RPL23: variants seen among roughly 807,000 people sequenced by gnomAD.
RPL23 encodes ribosomal protein L23.
For missense variants in RPL23, 79 were observed against 178.8 expected, an observed-to-expected ratio of 0.44 and a Z score of 3.18; for synonymous variants, 63 against 65.3, an observed-to-expected ratio of 0.97 and a Z score of 0.17.
chr17:38,850,886 C>A lies in RPL23; in HGVS notation c.227-411G>T, dbSNP rs371736793. 24 of 155,138 alleles carry A rather than the reference C, an allele frequency of 1.5e-4. No homozygotes were observed. The South Asian group carries it at 4.7e-3, about 31-fold the overall frequency. The allele number at this position is 155,138 out of a possible 1,614,324, so 9.6% of individuals were successfully genotyped here. ...CACCTTACAGGTAGGTTATTAAGAT[C>A]CCAGTATCACTGAATTGGGATGTAG... is the stretch of plus-strand genomic sequence containing the variant. On this transcript the variant is annotated intron_variant, in intron 3 of 4. Coordinates refer to ENST00000479035, the MANE Select transcript of RPL23 (RefSeq NM_000978.4).
At position 38,849,253 on chromosome 17, in the gene RPL23, A is replaced by C. The variant is rs1912935481; in HGVS notation, c.*879T>G. The C allele has an allele frequency of 6.6e-6, 1 of 152,140 alleles. No homozygotes were observed. Among genetic ancestry groups the C allele is most frequent in the Non-Finnish European group, 1.5e-5 (1 of 68,036 alleles). The allele number at this position is 152,140 out of a possible 1,614,324, so 9.4% of individuals were successfully genotyped here. On this transcript the variant is annotated 3_prime_UTR_variant, in exon 5 of 5. Coordinates refer to ENST00000479035, the MANE Select transcript of RPL23 (RefSeq NM_000978.4). ...ATTTACTCCAAATCTGTTAACTGCT[A>C]AAATGTACATACATAAACAAACTCA...
In RPL23 at chr17:38,850,814, T is replaced by C. The variant is rs8080641; in HGVS notation, c.227-339A>G. On this transcript the variant is annotated intron_variant, in intron 3 of 4. Coordinates refer to ENST00000479035, the MANE Select transcript of RPL23 (RefSeq NM_000978.4). ...AAAGCTGCCAGTATTTTCTCACAAGTGTAAAACTCTCAGGACAACTATCCT... is the reference window on the plus strand; with the variant it reads ...AAAGCTGCCAGTATTTTCTCACAAGCGTAAAACTCTCAGGACAACTATCCT... 2.8e-3 allele frequency: 505 copies of C among 180,134 alleles called. 1 individual carries two copies. The highest frequency in any genetic ancestry group is 0.012 in the African/African-American group (490 of 42,256). 11.2% of individuals were successfully genotyped at this position (180,134 alleles called of 1,614,324 possible).
intron 1 of RPL23, 189 bp downstream of exon 1, chr17:38,853,509 C>G (rs1913067597): frequency 1.4e-6 from 1 of 738,896 alleles, no homozygotes; most frequent in Non-Finnish European, 2.5e-6. Flanking sequence ...CGGGATCCTG[C>G]CATCTCAACT....
At chr17:38,852,281 TGA>T (rs1163101266) in intron 3 of RPL23, 4 of 226,986 alleles carry the variant, frequency 1.8e-5, no homozygotes, top group African/African-American at 9.2e-5. Flanking sequence ...TATTTTTTTT[TGA>T]GAGCCCAGGA....
intron 1 of RPL23, 27 bp downstream of exon 1, chr17:38,853,671 G>A: frequency 3.1e-6 from 5 of 1,614,168 alleles, no homozygotes; most frequent in Middle Eastern, 1.6e-4. Context: ...ACAGATGGTG[G>A]AGGATCCTCC....
At position 38,853,014 on chromosome 17, in the gene RPL23, G is replaced by C. The variant is rs531947694; in HGVS notation, c.97+8C>G. On this transcript the variant is annotated splice_region_variant and intron_variant, in intron 2 of 4. Transcript: ENST00000479035. ...AAGGGGGAGTATAGCAACGTGCAAAGACCTCACCTGTGTTGTCAGCACAAT... is the reference window on the plus strand; with the variant it reads ...AAGGGGGAGTATAGCAACGTGCAAACACCTCACCTGTGTTGTCAGCACAAT... The C allele has an allele frequency of 2.0e-4, 316 of 1,613,392 alleles. 1 individual carries two copies. In the South Asian group the frequency reaches 2.9e-3, roughly 15 times the overall value.
At chr17:38,853,180 TC>T (rs769979297) in intron 1 of RPL23, 75 bp from the exon 2 acceptor site, 1,921 of 1,142,018 alleles carry the variant, frequency 1.7e-3, no homozygotes, top group Non-Finnish European at 2.4e-3. Flanking sequence ...CCCCTCATAC[TC>T]AAGCTGTAAT....
rs150118530 is a variant in RPL23, at chr17:38,849,980, T to C, written c.*152A>G. On this transcript the variant is annotated 3_prime_UTR_variant, in exon 5 of 5. Transcript: ENST00000479035. ...CAAAAATACAAAAACTAGCCAGGCA[T>C]GACGGCAGGTGCCTGTAATCCCAGC... 6.8e-3 allele frequency: 3,878 copies of C among 568,672 alleles called. 20 individuals are homozygous for C. Among genetic ancestry groups the C allele is most frequent in the Non-Finnish European group, 9.7e-3 (3,182 of 329,114 alleles). 35.2% of individuals were successfully genotyped at this position (568,672 alleles called of 1,614,324 possible).
At position 38,848,011 on chromosome 17, in the gene RPL23, G is replaced by A. The variant is rs1037232080; in HGVS notation, c.*2121C>T. On this transcript the variant is annotated 3_prime_UTR_variant, in exon 5 of 5. Transcript: ENST00000479035. ...AAGTCCAGCAGTTCAAAGTTACAGT[G>A]AGCTTCAGTGGTGTTACTGCACTCC... The A allele has an allele frequency of 3.1e-5, 48 of 1,550,048 alleles. 1 individual carries two copies. The Admixed American group carries it at 9.2e-4, about 30-fold the overall frequency.
In RPL23 at chr17:38,853,024, G is replaced by T. The variant is rs1208885183; in HGVS notation, c.95C>A (p.Thr32Lys). 1.2e-6 allele frequency: 2 copies of T among 1,613,998 alleles called. No homozygotes were observed. Among genetic ancestry groups the T allele is most frequent in the South Asian group, 2.2e-5 (2 of 91,080 alleles). ...ATAGCAACGTGCAAAGACCTCACCT[G>T]TGTTGTCAGCACAATTGATTACAGC... Reference protein sequence around the residue: ...VGAVINCADNTGAKNLYIISV... With the variant: ...VGAVINCADNKGAKNLYIISV... The change falls in exon 2 of 5, where the codon ACA (threonine) becomes AAA (lysine). Residue 32 changes from threonine to lysine, a missense_variant and splice_region_variant. Physicochemically the swap from Thr to Lys is moderately conservative, Grantham distance 78 (BLOSUM62 -1). Transcript: ENST00000479035.
At chr17:38,852,272 A>AT (rs952625736) in intron 3 of RPL23, 167 of 212,686 alleles carry the variant, frequency 7.9e-4, no homozygotes, top group Middle Eastern at 1.8e-3. Flanking sequence ...TTTGTAATAT[A>AT]TTTTTTTTTG....
At chr17:38,853,203 G>C (rs1384533412) in intron 1 of RPL23, 98 bp from the exon 2 acceptor site, 4 of 899,390 alleles carry the variant, frequency 4.4e-6, no homozygotes, top group Non-Finnish European at 7.3e-6. Flanking sequence ...CACCGCACAT[G>C]CTTTGATAGA....
chr17:38,850,705 T>C (rs1912977530), intron 3 of RPL23: 2 of 433,994 alleles, frequency 4.6e-6, no homozygotes, highest in Non-Finnish European at 8.3e-6. Context: ...GGTTTTGCCA[T>C]GTTGGCAAGC....
rs1036519562 is a variant in RPL23 at position 38,847,873 on chromosome 17, TAA to T, written c.*2257_*2258del. ...GAAAACATTTAGTGAAGTGTAAATATAAAGTTTTTTAATCCAAGTCAAAAAAA... is the reference window on the plus strand; with the variant it reads ...GAAAACATTTAGTGAAGTGTAAATATAGTTTTTTAATCCAAGTCAAAAAAA... On this transcript the variant is annotated 3_prime_UTR_variant, in exon 5 of 5. Transcript: ENST00000479035. The T allele has an allele frequency of 9.5e-6, 14 of 1,475,366 alleles. No homozygotes were observed. In the East Asian group the frequency reaches 2.5e-4, roughly 27 times the overall value. 91.4% of individuals were successfully genotyped at this position (1,475,366 alleles called of 1,614,324 possible). A position where few individuals can be genotyped will look rare whatever the true frequency, so the allele number is the denominator to read the frequency against.
At chr17:38,852,823 T>TC in intron 2 of RPL23, 91 bp from the exon 3 acceptor site, 2 of 1,573,922 alleles carry the variant, frequency 1.3e-6, no homozygotes, top group Non-Finnish European at 1.7e-6. Flanking sequence ...CCAAAGCCCC[T>TC]CCCTCCACTC....
rs188677709 is a variant in RPL23 at position 38,852,434 on chromosome 17, G to A, written c.226+170C>T. 2.7e-5 allele frequency: 20 copies of A among 739,920 alleles called. No homozygotes were observed. The Middle Eastern group carries it at 1.2e-3, about 44-fold the overall frequency. The allele number at this position is 739,920 out of a possible 1,614,324, so 45.8% of individuals were successfully genotyped here. A position where few individuals can be genotyped will look rare whatever the true frequency, so the allele number is the denominator to read the frequency against. ...AACAACTAAGGTATGGAAGTGACAA[G>A]ATGATGGTCCCCCCTCCAACACAAT... On this transcript the variant is annotated intron_variant, in intron 3 of 4. Coordinates refer to ENST00000479035, the MANE Select transcript of RPL23 (RefSeq NM_000978.4).
At position 38,847,966 on chromosome 17, in the gene RPL23, G is replaced by A. The variant is rs1307432199; in HGVS notation, c.*2166C>T. 4 of 1,549,510 alleles carry A rather than the reference G, an allele frequency of 2.6e-6. No individual in the cohort carries two copies. The highest frequency in any genetic ancestry group is 2.5e-5 in the East Asian group (1 of 40,800). ...ACACTTGTAATTGCAGCCCTTTGAAGGCCACAGCAGGAGGATTCCAAGTCC... is the reference window on the plus strand; with the variant it reads ...ACACTTGTAATTGCAGCCCTTTGAAAGCCACAGCAGGAGGATTCCAAGTCC... On this transcript the variant is annotated 3_prime_UTR_variant, in exon 5 of 5. Coordinates refer to ENST00000479035, the MANE Select transcript of RPL23 (RefSeq NM_000978.4).
chr17:38,851,419 C>A (rs1323751888), intron 3 of RPL23: 1 of 152,090 alleles, frequency 6.6e-6, no homozygotes, highest in African/African-American at 2.4e-5. Context: ...TATTAAGTTC[C>A]AAGGGGAGGG....
chr17:38,853,636 T>A, intron 1 of RPL23, 62 bp downstream of exon 1: 2 of 1,610,984 alleles, frequency 1.2e-6, no homozygotes, highest in Non-Finnish European at 1.7e-6. Context: ...CCACCGCTCC[T>A]GACGAATCCG....
Sources: allele counts gnomAD v4.1 joint callset, GRCh38; gene constraint gnomAD v4.1.1; transcripts MANE v1.5; gene names NCBI Gene and HGNC (gene_info 2026-07-23, HGNC 2026-07-21).